The following PPP2R2C variants were observed in gnomAD, a reference collection of about 807,000 sequenced individuals.
PPP2R2C encodes protein phosphatase 2, regulatory subunit B, gamma.
A neutral mutation model predicts 45.3 loss-of-function variants in PPP2R2C; 10 were observed. The observed-to-expected ratio is 0.22, with a 90% CI of 0.14 to 0.37. The LOEUF is 0.37. Among genes scored for constraint, PPP2R2C ranks in the 10% least tolerant of loss-of-function variants. The pLI, the probability that PPP2R2C is intolerant of heterozygous loss-of-function variation, is 1.00. For missense variants in PPP2R2C, 308 were observed against 619.7 expected (o/e 0.50, Z 5.34); for synonymous variants, 257 against 245.4 (o/e 1.05, Z -0.44).
rs140275249 is a variant in PPP2R2C, at chr4:6,349,226, G to A, written c.626-1216C>T. 4.7e-4 allele frequency: 463 copies of A among 985,400 alleles called. 3 individuals are homozygous for A. In the African/African-American group the frequency reaches 7.4e-3, roughly 16 times the overall value. The allele number at this position is 985,400 out of a possible 1,614,324, so 61.0% of individuals were successfully genotyped here. A position where few individuals can be genotyped will look rare whatever the true frequency, so the allele number is the denominator to read the frequency against. ...CCCGGCCCTGCATGGGGCTTTGCACGGTCTGTTCCCTCTGACTCTTCAGGT... is the reference window on the plus strand; with the variant it reads ...CCCGGCCCTGCATGGGGCTTTGCACAGTCTGTTCCCTCTGACTCTTCAGGT... On this transcript the variant is annotated intron_variant, in intron 5 of 8. Coordinates refer to ENST00000382599, the MANE Select transcript of PPP2R2C (RefSeq NM_020416.4).
intron 1 of PPP2R2C, among the ~76,000 whole-genome samples, chr4:6,438,195 C>G (rs146181803): frequency 6.6e-6 from 1 of 152,210 alleles, no homozygotes; most frequent in Admixed American, 6.5e-5. Context: ...TTACTATGAC[C>G]ATTGCCTTTG....
intron 1 of PPP2R2C, among the ~76,000 whole-genome samples, chr4:6,546,680 G>A (rs184128543): frequency 6.6e-6 from 1 of 152,326 alleles, no homozygotes; most frequent in Non-Finnish European, 1.5e-5. Flanking sequence ...TAGACCCAAA[G>A]GTGTGTTCGT....
At chr4:6,555,891 C>T (rs375486932) in intron 1 of PPP2R2C, among the ~76,000 whole-genome samples, 3 of 152,190 alleles carry the variant, frequency 2.0e-5, no homozygotes, top group Non-Finnish European at 4.4e-5. Context: ...AGACTGGGAC[C>T]TCAGCTGTGG....
chr4:6,444,275 G>A (rs915194836), intron 1 of PPP2R2C, among the ~76,000 whole-genome samples: 13 of 152,216 alleles, frequency 8.5e-5, no homozygotes, highest in Admixed American at 2.0e-4. Context: ...GTCTGCTCCC[G>A]CGGAGATCAG....
At chr4:6,450,672 G>A (rs1201997512) in intron 1 of PPP2R2C, among the ~76,000 whole-genome samples, 2 of 152,204 alleles carry the variant, frequency 1.3e-5, no homozygotes, top group East Asian at 3.9e-4. Flanking sequence ...GCAGGCCTGA[G>A]CGAGGGATAG....
chr4:6,349,845 C>G (rs984691415), intron 5 of PPP2R2C: 1 of 960,652 alleles, frequency 1.0e-6, no homozygotes, highest in Non-Finnish European at 1.2e-6. Context: ...TAGCCGAGAT[C>G]GCACCATTAT....
chr4:6,430,456 A>G (rs1238280896), intron 1 of PPP2R2C, among the ~76,000 whole-genome samples: 4 of 151,782 alleles, frequency 2.6e-5, no homozygotes, highest in Non-Finnish European at 5.9e-5. Context: ...TCCCTACGTG[A>G]CTCCCCCACT....
intron 2 of PPP2R2C, among the ~76,000 whole-genome samples, chr4:6,532,158 A>C (rs1209880771): frequency 1.3e-5 from 2 of 152,160 alleles, no homozygotes; most frequent in Non-Finnish European, 2.9e-5. Flanking sequence ...TGTCCTCTCT[A>C]ACCTGAACAC....
At chr4:6,539,768 C>T (rs1047794984) in intron 1 of PPP2R2C, among the ~76,000 whole-genome samples, 3 of 152,218 alleles carry the variant, frequency 2.0e-5, no homozygotes, top group African/African-American at 7.2e-5. Flanking sequence ...CCCGATTACC[C>T]TCGCTCAGCC....
chr4:6,343,269 G>A (rs1733590315), intron 6 of PPP2R2C, among the ~76,000 whole-genome samples: 1 of 152,168 alleles, frequency 6.6e-6, no homozygotes. Flanking sequence ...CAAATTAAAT[G>A]AGGAGAAATG....
intron 5 of PPP2R2C, chr4:6,349,203 C>T (rs1712300414): frequency 1.5e-5 from 15 of 985,326 alleles, no homozygotes; most frequent in African/African-American, 3.5e-5. Flanking sequence ...CCGGTCTCCC[C>T]GGCCCTGCAT....
chr4:6,349,807 C>A (rs1406078956), intron 5 of PPP2R2C: 1 of 878,904 alleles, frequency 1.1e-6, no homozygotes, highest in Non-Finnish European at 1.4e-6. Flanking sequence ...AGGGGAATCA[C>A]GTGAACCTGG....
At chr4:6,357,544 G>C (rs1713318881) in intron 5 of PPP2R2C, among the ~76,000 whole-genome samples, 1 of 152,216 alleles carries the variant, frequency 6.6e-6, no homozygotes, top group Non-Finnish European at 1.5e-5. Context: ...CAGTGGATTT[G>C]CCCTGCCGCC....
At chr4:6,511,128 T>C (rs1391879992) in intron 2 of PPP2R2C, among the ~76,000 whole-genome samples, 1 of 152,220 alleles carries the variant, frequency 6.6e-6, no homozygotes, top group Non-Finnish European at 1.5e-5. Flanking sequence ...AACATGGAGA[T>C]AATAATCGCC....
At chr4:6,418,884 G>A (rs148493639) in intron 1 of PPP2R2C, among the ~76,000 whole-genome samples, 28 of 152,296 alleles carry the variant, frequency 1.8e-4, no homozygotes, top group Non-Finnish European at 3.1e-4. Context: ...TGGTTCTGGG[G>A]AGTAAAGTGT....
At chr4:6,449,731 G>A (rs975856207) in intron 1 of PPP2R2C, among the ~76,000 whole-genome samples, 12 of 152,192 alleles carry the variant, frequency 7.9e-5, no homozygotes, top group African/African-American at 2.9e-4. Context: ...AAGAGTTCTG[G>A]AAAATGGGTT....
At chr4:6,449,570 C>T (rs1003313912) in intron 1 of PPP2R2C, among the ~76,000 whole-genome samples, 4 of 152,238 alleles carry the variant, frequency 2.6e-5, no homozygotes, top group African/African-American at 4.8e-5. Context: ...CGTGTCCTGT[C>T]GGCCATCCTC....
intron 5 of PPP2R2C, among the ~76,000 whole-genome samples, chr4:6,355,551 C>CAAAAAAAA (rs566926127): frequency 9.2e-4 from 73 of 78,958 alleles, no homozygotes; most frequent in African/African-American, 2.9e-3. Context: ...ACAGAAAGCA[C>CAAAAAAAA]AAAAAAAAAA....
At chr4:6,509,392 CAA>C (rs1560591860) in intron 2 of PPP2R2C, among the ~76,000 whole-genome samples, 1 of 151,366 alleles carries the variant, frequency 6.6e-6, no homozygotes, top group East Asian at 1.9e-4. Context: ...AGCTAAAACA[CAA>C]GAGATATTCA....
Sources: gnomAD v4.1 joint callset for allele counts (sites outside exome capture counted in the v4.1 genomes callset) on GRCh38, gnomAD v4.1.1 for gene constraint, MANE v1.5 for transcripts, NCBI Gene and HGNC (gene_info 2026-07-23, HGNC 2026-07-21) for gene names.